Variants in NEK4 observed in about 807,000 individuals in gnomAD.
NEK4 encodes the protein serine/threonine-protein kinase Nek4.
NEK4 carries 86 observed loss-of-function variants against 98.4 expected under a neutral mutation model. The observed-to-expected ratio is 0.87, with a 90% CI of 0.73 to 1.05. The LOEUF (loss-of-function observed/expected upper bound fraction) is 1.05. Among genes scored for constraint, NEK4 ranks in the 50% least tolerant of loss-of-function variants. The probability of loss-of-function intolerance (pLI) is 0.00; values close to 1 mark genes in which losing one functional copy is unlikely to be tolerated. For missense variants in NEK4, 898 were observed against 950.3 expected, an observed-to-expected ratio of 0.94 and a Z score of 0.72; for synonymous variants, 328 against 342.2, an observed-to-expected ratio of 0.96 and a Z score of 0.46.
chr3:52,733,112 T>C (rs1578639985), intron 15 of NEK4: 1 of 178,738 alleles, frequency 5.6e-6, no homozygotes, highest in Non-Finnish European at 1.3e-5. Flanking sequence ...AAAAATCTTA[T>C]GGACGTAGTT....
chr3:52,733,448 A>G (rs1161998626), intron 15 of NEK4: 4 of 392,856 alleles, frequency 1.0e-5, no homozygotes, highest in Admixed American at 6.5e-5. Context: ...AAAACCTTAC[A>G]AATGTAATGA....
At chr3:52,730,730 A>G (rs2154102772) in intron 15 of NEK4, among the ~76,000 whole-genome samples, 1 of 152,120 alleles carries the variant, frequency 6.6e-6, no homozygotes, top group South Asian at 2.1e-4. Context: ...TCTTTCTTAG[A>G]TGGTTGGAAG....
intron 15 of NEK4, among the ~76,000 whole-genome samples, chr3:52,717,939 G>A (rs1437010071): frequency 2.0e-5 from 3 of 151,664 alleles, no homozygotes; most frequent in Admixed American, 6.6e-5. Context: ...GATTACAGGC[G>A]TATGCCACCA....
intron 15 of NEK4, chr3:52,734,812 G>T: frequency 3.4e-6 from 1 of 296,186 alleles, no homozygotes; most frequent in South Asian, 3.8e-5. Context: ...ATCTGACTGG[G>T]GAGCCTCTCA....
intron 9 of NEK4, 109 bp from the exon 10 acceptor site, chr3:52,746,319 C>G: frequency 2.9e-6 from 3 of 1,019,946 alleles, no homozygotes. Flanking sequence ...TTAAAACCTT[C>G]AAAACATTGC....
rs746425097 is a variant in NEK4, at chr3:52,713,716, C to T, written c.2434-1847G>A. Among the ~76,000 whole-genome samples, 5 of 149,660 alleles carry T rather than the reference C, an allele frequency of 3.3e-5. No homozygotes were observed. In the South Asian group the frequency reaches 1.0e-3, roughly 31 times the overall value. The stretch of plus-strand genomic sequence containing the variant: ...GGCTGAGGCGGAAGAATCGCTTGAA[C>T]CCGCGAGGCGGAGGTTGCGGTGAGC... On this transcript the variant is annotated intron_variant, in intron 15 of 15. Transcript: ENST00000233027.
At chr3:52,727,487 T>C (rs1355964446) in intron 15 of NEK4, among the ~76,000 whole-genome samples, 1 of 152,208 alleles carries the variant, frequency 6.6e-6, no homozygotes, top group Non-Finnish European at 1.5e-5. Context: ...GGGAACCAAA[T>C]AACACTTTTT....
At chr3:52,732,498 G>C (rs990225392) in intron 15 of NEK4, 1 of 185,226 alleles carries the variant, frequency 5.4e-6, no homozygotes, top group African/African-American at 2.4e-5. Flanking sequence ...CCCGGCCACA[G>C]ATTGATTTCT....
intron 15 of NEK4, among the ~76,000 whole-genome samples, chr3:52,714,510 C>G (rs1458890058): frequency 6.6e-6 from 1 of 152,202 alleles, no homozygotes; most frequent in Non-Finnish European, 1.5e-5. Flanking sequence ...GGGACCCGCC[C>G]CCAGGCCCGG....
rs374179587 is a variant in NEK4 at position 52,746,815 on chromosome 3, C to A, written c.1596G>T (p.Leu532=). The A allele has an allele frequency of 6.4e-5, 103 of 1,614,044 alleles. No individual in the cohort carries two copies. The highest frequency in any genetic ancestry group is 6.6e-5 in the Non-Finnish European group (78 of 1,180,014). The change falls in exon 9 of 16, where the codon CTG becomes CTT. Residue 532 remains leucine (L), a synonymous_variant. Coordinates refer to ENST00000233027, the MANE Select transcript of NEK4 (RefSeq NM_003157.6). ...QPHNSGSEPS[L]SRQRRQKRRE... Reference sequence around the variant, plus strand: ...TCCTCTTTTGCCGTCGCTGTCGAGACAGGGAAGGTTCAGACCCAGAGTTGT... The same window carrying A: ...TCCTCTTTTGCCGTCGCTGTCGAGAAAGGGAAGGTTCAGACCCAGAGTTGT...
Position 52,716,149 on chromosome 3 carries a change from C to T in NEK4, c.2434-4280G>A, listed in dbSNP as rs557503440. Among the ~76,000 whole-genome samples, 4 of 152,342 alleles carry T rather than the reference C, an allele frequency of 2.6e-5. No individual in the cohort carries two copies. In the South Asian group the frequency reaches 6.2e-4, roughly 24 times the overall value. ...ATGCTCACTCCCACACCCCTCGCCG[C>T]TCCATGCCTGACTCTCCCTTGGCAG... On this transcript the variant is annotated intron_variant, in intron 15 of 15. Coordinates refer to ENST00000233027, the MANE Select transcript of NEK4 (RefSeq NM_003157.6).
chr3:52,724,577 C>G (rs764086751), intron 15 of NEK4, among the ~76,000 whole-genome samples: 113 of 151,930 alleles, frequency 7.4e-4, no homozygotes, highest in Non-Finnish European at 1.5e-3. Flanking sequence ...TAACTTGAAG[C>G]TTTATGAAGA....
At chr3:52,754,715 C>A (rs2097411672) in intron 6 of NEK4, 3 of 516,562 alleles carry the variant, frequency 5.8e-6, no homozygotes, top group Non-Finnish European at 1.2e-5. Flanking sequence ...ATCTGGTACA[C>A]CATGCACTTT....
intron 15 of NEK4, among the ~76,000 whole-genome samples, chr3:52,719,182 GT>G (rs1443684703): frequency 6.6e-6 from 1 of 152,192 alleles, no homozygotes; most frequent in Non-Finnish European, 1.5e-5. Context: ...CCTTGCTCTT[GT>G]TAATTGGACT....
chr3:52,763,383 C>A, intron 5 of NEK4, 87 bp downstream of exon 5: 1 of 1,286,446 alleles, frequency 7.8e-7, no homozygotes, highest in East Asian at 2.4e-5. Context: ...GAAAACTCAC[C>A]ATTAATTCTT....
At chr3:52,727,023 AG>A (rs2097365260) in intron 15 of NEK4, among the ~76,000 whole-genome samples, 1 of 140,022 alleles carries the variant, frequency 7.1e-6, no homozygotes, top group Non-Finnish European at 1.5e-5. Flanking sequence ...TGCCCAGGCT[AG>A]AATGCAATGG....
intron 15 of NEK4, among the ~76,000 whole-genome samples, chr3:52,726,364 T>C (rs2097364561): frequency 6.6e-6 from 1 of 152,096 alleles, no homozygotes; most frequent in Non-Finnish European, 1.5e-5. Context: ...TTTAGGAGGC[T>C]GAGGCAGGTG....
At chr3:52,761,059 A>C (rs2154106372) in intron 5 of NEK4, 123 bp from the exon 6 acceptor site, 1 of 625,198 alleles carries the variant, frequency 1.6e-6, no homozygotes, top group East Asian at 2.8e-5. Flanking sequence ...TATAGAGAAT[A>C]GTTTTCTAAA....
At chr3:52,747,621 G>A (rs918875392) in intron 8 of NEK4, among the ~76,000 whole-genome samples, 10 of 151,836 alleles carry the variant, frequency 6.6e-5, no homozygotes, top group African/African-American at 1.7e-4. Flanking sequence ...ATGGCCAAAC[G>A]CTCCATGCCT....
Sources: gnomAD v4.1 joint callset for allele counts (sites outside exome capture counted in the v4.1 genomes callset) on GRCh38, gnomAD v4.1.1 for gene constraint, MANE v1.5 for transcripts, NCBI Gene and HGNC (gene_info 2026-07-23, HGNC 2026-07-21) for gene names.